ULK4: variants seen among roughly 807,000 people sequenced by gnomAD.
ULK4 encodes unc-51 like kinase 4.
ULK4 carries 133 observed loss-of-function variants against 160.6 expected under a neutral mutation model. That is an observed-to-expected ratio of 0.83 (90% CI 0.72 to 0.96). The LOEUF (loss-of-function observed/expected upper bound fraction) is 0.96. Ranked by LOEUF, ULK4 falls within the 40% of genes least tolerant of loss-of-function variation. The probability of loss-of-function intolerance (pLI) is 0.00; values close to 1 mark genes in which losing one functional copy is unlikely to be tolerated. For missense variants in ULK4, 1,580 were observed against 1,499.5 expected (o/e 1.05, Z -0.89); for synonymous variants, 534 against 539.8 (o/e 0.99, Z 0.15).
At chr3:41,648,351 A>G (rs1171161660) in intron 30 of ULK4, among the ~76,000 whole-genome samples, 2 of 151,488 alleles carry the variant, frequency 1.3e-5, no homozygotes, top group African/African-American at 4.8e-5. Context: ...TGCCCTCCCC[A>G]GTTTTTACTC....
At chr3:41,678,118 G>T (rs1239179930) in intron 29 of ULK4, among the ~76,000 whole-genome samples, 1 of 151,100 alleles carries the variant, frequency 6.6e-6, no homozygotes, top group African/African-American at 2.4e-5. Context: ...TGCAGATCTT[G>T]GGACTTCTCA....
intron 36 of ULK4, among the ~76,000 whole-genome samples, chr3:41,247,391 A>G (rs2078664849): frequency 6.6e-6 from 1 of 152,204 alleles, no homozygotes; most frequent in Non-Finnish European, 1.5e-5. Context: ...TTTCCAGCCA[A>G]TCAGCCAGGA....
At chr3:41,479,616 T>A (rs1265293128) in intron 32 of ULK4, among the ~76,000 whole-genome samples, 3 of 152,134 alleles carry the variant, frequency 2.0e-5, no homozygotes, top group Non-Finnish European at 4.4e-5. Flanking sequence ...CAGGTGGGAT[T>A]TGAACATGCT....
chr3:41,746,973 C>G (rs569788874), intron 22 of ULK4, among the ~76,000 whole-genome samples: 2 of 152,022 alleles, frequency 1.3e-5, no homozygotes, highest in East Asian at 3.9e-4. Flanking sequence ...AAAAGAAAAC[C>G]TCTAACTAAA....
At chr3:41,290,476 C>T (rs2079538611) in intron 35 of ULK4, among the ~76,000 whole-genome samples, 1 of 152,134 alleles carries the variant, frequency 6.6e-6, no homozygotes, top group Non-Finnish European at 1.5e-5. Context: ...CCTGCTCTTA[C>T]TCTTTAGGTT....
intron 17 of ULK4, among the ~76,000 whole-genome samples, chr3:41,842,388 T>C (rs1297778598): frequency 6.6e-6 from 1 of 152,198 alleles, no homozygotes; most frequent in African/African-American, 2.4e-5. Flanking sequence ...GAAAACTGTT[T>C]GGAAATTGAT....
At chr3:41,939,341 G>A (rs530772305) in intron 2 of ULK4, among the ~76,000 whole-genome samples, 12 of 152,116 alleles carry the variant, frequency 7.9e-5, no homozygotes, top group Admixed American at 2.6e-4. Flanking sequence ...TGTATTTTTA[G>A]TAGAGATGGG....
chr3:41,457,559 A>G (rs2083584099), intron 33 of ULK4, among the ~76,000 whole-genome samples: 1 of 152,174 alleles, frequency 6.6e-6, no homozygotes, highest in African/African-American at 2.4e-5. Context: ...TGTGCAACAA[A>G]AGGACACCTG....
At position 41,687,531 on chromosome 3, in the gene ULK4, G is replaced by A. The variant is rs142954216; in HGVS notation, c.2782-5727C>T. Among the ~76,000 whole-genome samples, 747 of 152,162 alleles carry A rather than the reference G, an allele frequency of 4.9e-3. 4 individuals are homozygous for A. The highest frequency in any genetic ancestry group is 0.017 in the African/African-American group (716 of 41,512). On this transcript the variant is annotated intron_variant, in intron 27 of 36. Transcript: ENST00000301831. ...ATTTCCTTAAGTGTAGTCAGAATGC[G>A]GCAGCAGAAACTCAATGAAATAAAG...
At chr3:41,681,478 T>C in intron 29 of ULK4, 30 bp downstream of exon 29, 1 of 1,612,806 alleles carries the variant, frequency 6.2e-7, no homozygotes, top group Non-Finnish European at 8.5e-7. Flanking sequence ...CCTACACTTC[T>C]CTGCATGAAT....
At chr3:41,933,978 C>T (rs1384130600) in intron 4 of ULK4, among the ~76,000 whole-genome samples, 1 of 152,018 alleles carries the variant, frequency 6.6e-6, no homozygotes, top group Non-Finnish European at 1.5e-5. Flanking sequence ...GCTGAGTTTG[C>T]AGTGAGTTGA....
chr3:41,355,501 G>A (rs995903243), intron 35 of ULK4, among the ~76,000 whole-genome samples: 5 of 152,142 alleles, frequency 3.3e-5, no homozygotes, highest in African/African-American at 7.2e-5. Flanking sequence ...AGTCTTCAGG[G>A]CAGTATTCAT....
intron 35 of ULK4, among the ~76,000 whole-genome samples, chr3:41,261,961 C>T (rs2078953620): frequency 6.6e-6 from 1 of 152,208 alleles, no homozygotes; most frequent in East Asian, 1.9e-4. Flanking sequence ...GTTCTCTTCA[C>T]AGTGACCCTA....
At chr3:41,708,560 T>C (rs1431452095) in intron 25 of ULK4, among the ~76,000 whole-genome samples, 1 of 152,084 alleles carries the variant, frequency 6.6e-6, no homozygotes, top group African/African-American at 2.4e-5. Flanking sequence ...AAAATTTTGA[T>C]TATATAGAGG....
In ULK4 at chr3:41,636,602, G is replaced by GT. The variant is rs879387829; in HGVS notation, c.3072-20886dup. ...AGCTGTCTTTACTATTTTTATTGTT[G>GT]TTTTTTTTTAATTATTATTATACTT... On this transcript the variant is annotated intron_variant, in intron 30 of 36. Coordinates refer to ENST00000301831, the MANE Select transcript of ULK4 (RefSeq NM_017886.4). 7.0e-4 allele frequency among the ~76,000 whole-genome samples: 106 copies of GT among 150,468 alleles called. 1 individual carries two copies. Among genetic ancestry groups the GT allele is most frequent in the African/African-American group, 2.0e-3 (81 of 41,050 alleles).
intron 34 of ULK4, among the ~76,000 whole-genome samples, chr3:41,403,777 T>C (rs2082234250): frequency 6.6e-6 from 1 of 152,192 alleles, no homozygotes; most frequent in Non-Finnish European, 1.5e-5. Flanking sequence ...GTAGCCTACG[T>C]ATTTTGATAT....
chr3:41,630,061 C>T (rs1354830237), intron 30 of ULK4, among the ~76,000 whole-genome samples: 1 of 152,186 alleles, frequency 6.6e-6, no homozygotes, highest in Non-Finnish European at 1.5e-5. Flanking sequence ...TAGGCCACTA[C>T]AGCAATCTAA....
chr3:41,765,517 T>C (rs549624164), intron 21 of ULK4, among the ~76,000 whole-genome samples: 1 of 152,008 alleles, frequency 6.6e-6, no homozygotes, highest in Non-Finnish European at 1.5e-5. Context: ...GTAACAAACC[T>C]GCAGGTTGTG....
intron 35 of ULK4, chr3:41,259,950 T>C (rs1026909665): frequency 1.3e-5 from 2 of 152,164 alleles, no homozygotes; most frequent in Non-Finnish European, 2.9e-5. Context: ...TCTTGGTGCT[T>C]GTTATTACAG....
Sources: allele counts gnomAD v4.1 joint callset (sites outside exome capture counted in the v4.1 genomes callset), GRCh38; gene constraint gnomAD v4.1.1; transcripts MANE v1.5; gene names NCBI Gene and HGNC (gene_info 2026-07-23, HGNC 2026-07-21).